EBF1: variants seen among roughly 807,000 people sequenced by gnomAD.
EBF1 encodes transcription factor COE1.
EBF1 carries 10 observed loss-of-function variants against 68.4 expected under a neutral mutation model. That is an observed-to-expected ratio of 0.15 (90% confidence interval 0.09 to 0.25). The LOEUF (loss-of-function observed/expected upper bound fraction) is 0.25, where lower values mean the gene tolerates loss of function less well. Among genes scored for constraint, EBF1 ranks in the 10% least tolerant of loss-of-function variants. The pLI, the probability that EBF1 is intolerant of heterozygous loss-of-function variation, is 1.00. For missense variants in EBF1, 509 were observed against 794.4 expected (o/e 0.64, Z 4.32); for synonymous variants, 298 against 299.8 (o/e 0.99, Z 0.06).
chr5:158,705,796 G>A (rs1236903057), intron 15 of EBF1, among the ~76,000 whole-genome samples: 1 of 152,156 alleles, frequency 6.6e-6, no homozygotes, highest in African/African-American at 2.4e-5. Context: ...CCTGGGAGCT[G>A]CCCACTTCTG....
At chr5:158,737,482 C>A (rs1765466556) in intron 10 of EBF1, among the ~76,000 whole-genome samples, 1 of 151,752 alleles carries the variant, frequency 6.6e-6, no homozygotes, top group East Asian at 1.9e-4. Flanking sequence ...GACGGGGTTT[C>A]ACCGTGTTAG....
At chr5:158,721,603 A>G (rs1209922625) in intron 11 of EBF1, among the ~76,000 whole-genome samples, 1 of 152,162 alleles carries the variant, frequency 6.6e-6, no homozygotes, top group East Asian at 1.9e-4. Flanking sequence ...TAGACCAGGT[A>G]ATTTTTATCT....
Position 158,774,900 on chromosome 5 carries a change from C to A in EBF1, c.1036+2513G>T, listed in dbSNP as rs116754969. On this transcript the variant is annotated intron_variant, in intron 10 of 15. Coordinates refer to ENST00000313708, the MANE Select transcript of EBF1 (RefSeq NM_024007.5). ...AACTGTTAACAGCCAAGTAACTATA[C>A]CAGAGGGGAAATCATTGTGCCAATT... Among the ~76,000 whole-genome samples the A allele has an allele frequency of 5.8e-3, 878 of 151,802 alleles. 9 individuals carry two copies. Among genetic ancestry groups the A allele is most frequent in the African/African-American group, 0.02 (837 of 41,372 alleles).
At chr5:158,816,517 T>C (rs558685322) in intron 8 of EBF1, among the ~76,000 whole-genome samples, 2 of 152,356 alleles carry the variant, frequency 1.3e-5, no homozygotes, top group Non-Finnish European at 2.9e-5. Context: ...CATCCTTCAC[T>C]GACTTCACTC....
At chr5:158,851,651 G>A (rs1289194172) in intron 6 of EBF1, among the ~76,000 whole-genome samples, 1 of 107,880 alleles carries the variant, frequency 9.3e-6, no homozygotes, top group African/African-American at 3.6e-5. Context: ...GAAGGAAAGG[G>A]AAGGGGAGGG....
Position 158,712,298 on chromosome 5 carries a change from C to T in EBF1, c.1405G>A (p.Gly469Arg), listed in dbSNP as rs2127488733. Residue 469 changes from glycine to arginine, a missense_variant, in exon 14 of 16, where the codon GGG becomes AGG. Coordinates refer to ENST00000313708, the MANE Select transcript of EBF1 (RefSeq NM_024007.5). ...TGGGGAGTGGTGCTCGGCACGTACC[C>T]GTGTGGTGATACGCTGCTTGAGTTG... ...TRNSSSVSPH[G>R]YVPSTTPQQT... 1.2e-6 allele frequency: 2 copies of T among 1,613,956 alleles called. No homozygotes were observed. The highest frequency in any genetic ancestry group is 1.3e-5 in the African/African-American group (1 of 75,026).
At position 158,696,517 on chromosome 5, in the gene EBF1, A is replaced by AGAT. The variant is rs898297629; in HGVS notation, c.*2591_*2593dup. On this transcript the variant is annotated 3_prime_UTR_variant, in exon 16 of 16. Coordinates refer to ENST00000313708, the MANE Select transcript of EBF1 (RefSeq NM_024007.5). ...TTCAGAAACAGTTAAGGGGCTCACC[A>AGAT]GATAAAATATGGCTTTAACTTGTGT... 7.6e-5 allele frequency: 17 copies of AGAT among 225,008 alleles called. No homozygotes were observed. Among genetic ancestry groups the AGAT allele is most frequent in the African/African-American group, 3.3e-4 (15 of 44,798 alleles). 13.9% of individuals were successfully genotyped at this position (225,008 alleles called of 1,614,324 possible).
intron 6 of EBF1, among the ~76,000 whole-genome samples, chr5:158,862,331 G>T (rs1307324732): frequency 6.6e-6 from 1 of 151,886 alleles, no homozygotes; most frequent in Non-Finnish European, 1.5e-5. Context: ...TGGGTTCCAG[G>T]GACATCCAAT....
chr5:159,021,598 G>A (rs923298837), intron 6 of EBF1, among the ~76,000 whole-genome samples: 5 of 152,182 alleles, frequency 3.3e-5, no homozygotes. Flanking sequence ...ATAAAGACAA[G>A]GAGGATTTGC....
intron 8 of EBF1, among the ~76,000 whole-genome samples, chr5:158,809,750 C>T (rs560175751): frequency 2.6e-5 from 4 of 152,164 alleles, no homozygotes; most frequent in Non-Finnish European, 5.9e-5. Flanking sequence ...CTGCTAAACA[C>T]ACACTGAGTC....
At chr5:158,736,539 T>C (rs934516959) in intron 10 of EBF1, among the ~76,000 whole-genome samples, 1 of 152,230 alleles carries the variant, frequency 6.6e-6, no homozygotes, top group Admixed American at 6.5e-5. Context: ...TCTATTGCCA[T>C]TTAATGTCCA....
At chr5:158,727,078 G>A (rs1306244972) in intron 11 of EBF1, among the ~76,000 whole-genome samples, 3 of 152,348 alleles carry the variant, frequency 2.0e-5, no homozygotes, top group South Asian at 4.1e-4. Flanking sequence ...GTTGAGTCAT[G>A]TGTACCAAGT....
chr5:158,935,331 G>A (rs1478476608), intron 6 of EBF1, among the ~76,000 whole-genome samples: 2 of 152,188 alleles, frequency 1.3e-5, no homozygotes, highest in Admixed American at 6.5e-5. Flanking sequence ...CCAAGGAGCT[G>A]AGGACACATT....
chr5:158,980,527 C>CTT (rs769247798), intron 6 of EBF1, among the ~76,000 whole-genome samples: 19 of 152,122 alleles, frequency 1.2e-4, no homozygotes, highest in Non-Finnish European at 2.2e-4. Flanking sequence ...CCAATATAGT[C>CTT]TTTTTTTAAG....
intron 6 of EBF1, among the ~76,000 whole-genome samples, chr5:158,852,105 C>T (rs1351081980): frequency 1.4e-5 from 2 of 138,498 alleles, no homozygotes; most frequent in Non-Finnish European, 3.1e-5. Context: ...TTCTTGTTTG[C>T]GTTAGAAAGC....
Position 158,715,249 on chromosome 5 carries a change from T to C in EBF1, c.1126-1067A>G, listed in dbSNP as rs528562492. Reference sequence around the variant, plus strand: ...AAAGTTTCAAACAGAAGTGTAACTTTAAATATTTTACACAATAGATTTCTA... The same window carrying C: ...AAAGTTTCAAACAGAAGTGTAACTTCAAATATTTTACACAATAGATTTCTA... On this transcript the variant is annotated intron_variant, in intron 11 of 15. Coordinates refer to ENST00000313708, the MANE Select transcript of EBF1 (RefSeq NM_024007.5). 1.3e-4 allele frequency among the ~76,000 whole-genome samples: 20 copies of C among 152,336 alleles called. No homozygotes were observed. The South Asian group carries it at 4.1e-3, about 32-fold the overall frequency.
At chr5:159,062,738 G>A (rs1776091233) in intron 6 of EBF1, among the ~76,000 whole-genome samples, 3 of 152,118 alleles carry the variant, frequency 2.0e-5, no homozygotes, top group African/African-American at 7.2e-5. Flanking sequence ...TGCAAAGGAT[G>A]CCACATATAT....
chr5:158,802,953 A>C (rs956350701), intron 8 of EBF1, among the ~76,000 whole-genome samples: 1 of 152,154 alleles, frequency 6.6e-6, no homozygotes, highest in African/African-American at 2.4e-5. Flanking sequence ...GACTTTCCTA[A>C]GAACTCCCAG....
intron 6 of EBF1, among the ~76,000 whole-genome samples, chr5:158,915,449 C>T (rs1310200577): frequency 6.6e-6 from 1 of 152,244 alleles, no homozygotes; most frequent in African/African-American, 2.4e-5. Flanking sequence ...TAATGCATCA[C>T]AGAAGTAGGA....
Sources: allele counts gnomAD v4.1 joint callset (sites outside exome capture counted in the v4.1 genomes callset), GRCh38; gene constraint gnomAD v4.1.1; transcripts MANE v1.5; gene names NCBI Gene and HGNC (gene_info 2026-07-23, HGNC 2026-07-21).